The following CACNA2D4 variants were observed in gnomAD, a reference collection of about 807,000 sequenced individuals.
CACNA2D4 encodes voltage-dependent calcium channel subunit alpha-2/delta-4.
In CACNA2D4, 157 loss-of-function variants were observed where a neutral mutation model predicts 163.8. The ratio of observed to expected loss-of-function variants is 0.96; its 90% confidence interval spans 0.84 to 1.09. CACNA2D4 has a LOEUF of 1.09. Among genes scored for constraint, CACNA2D4 ranks in the 50% least tolerant of loss-of-function variants. The pLI is 0.00. For synonymous variants in CACNA2D4, 598 were observed against 586.9 expected, an observed-to-expected ratio of 1.02 and a Z score of -0.27; for missense variants, 1,410 against 1,479.9, an observed-to-expected ratio of 0.95 and a Z score of 0.78.
chr12:1,796,967 TC>T (rs1277384138), intron 35 of CACNA2D4, among the ~76,000 whole-genome samples: 1 of 152,160 alleles, frequency 6.6e-6, no homozygotes, highest in African/African-American at 2.4e-5. Context: ...ATCGCACACT[TC>T]CGGCCTTCTC....
chr12:1,873,441 A>C (rs928185854), intron 18 of CACNA2D4, among the ~76,000 whole-genome samples: 1 of 152,220 alleles, frequency 6.6e-6, no homozygotes, highest in Non-Finnish European at 1.5e-5. Context: ...GCATAAAAGC[A>C]GCACGAGATT....
At chr12:1,800,991 G>A in intron 31 of CACNA2D4, 52 bp downstream of exon 31, 1 of 1,545,042 alleles carries the variant, frequency 6.5e-7, no homozygotes, top group Middle Eastern at 2.2e-4. Flanking sequence ...TCCAGGACAG[G>A]GCAGAGGACT....
At chr12:1,822,912 G>T (rs1864165655) in intron 26 of CACNA2D4, among the ~76,000 whole-genome samples, 1 of 152,198 alleles carries the variant, frequency 6.6e-6, no homozygotes, top group Non-Finnish European at 1.5e-5. Context: ...CACTCTCCGG[G>T]CTCCCTCTCA....
Position 1,878,894 on chromosome 12 carries a change from C to A in CACNA2D4, c.1644+62G>T. ...CTTGCCTGGAGAGAGGCTCCCATCA[C>A]GGGGGAGGGAGTTTGCTCCTGGGGA... On this transcript the variant is annotated intron_variant, in intron 15 of 37. Transcript: ENST00000382722. The surrounding 1 kb of genome is among the most constrained non-coding windows in gnomAD (Gnocchi z 4.6). 2 of 1,483,124 alleles carry A rather than the reference C, an allele frequency of 1.3e-6. No homozygotes were observed. The highest frequency in any genetic ancestry group is 1.2e-5 in the South Asian group (1 of 84,316). The allele number at this position is 1,483,124 out of a possible 1,614,324, so 91.9% of individuals were successfully genotyped here. A position where few individuals can be genotyped will look rare whatever the true frequency, so the allele number is the denominator to read the frequency against.
At chr12:1,830,561 T>C (rs1038237880) in intron 26 of CACNA2D4, among the ~76,000 whole-genome samples, 1 of 152,176 alleles carries the variant, frequency 6.6e-6, no homozygotes, top group African/African-American at 2.4e-5. Flanking sequence ...ACATCCATGG[T>C]GTCAGTGGGA....
At chr12:1,841,777 T>G (rs1865029869) in intron 25 of CACNA2D4, among the ~76,000 whole-genome samples, 1 of 152,238 alleles carries the variant, frequency 6.6e-6, no homozygotes, top group Admixed American at 6.5e-5. Flanking sequence ...GTGTCAATTG[T>G]CCCGGGACTT....
chr12:1,808,818 T>C (rs1048701722), intron 29 of CACNA2D4, among the ~76,000 whole-genome samples: 5 of 152,178 alleles, frequency 3.3e-5, no homozygotes, highest in Non-Finnish European at 5.9e-5. Context: ...TTTCAACTCT[T>C]ATCATCACTG....
chr12:1,846,988 C>T (rs1017485530), intron 23 of CACNA2D4, among the ~76,000 whole-genome samples: 1 of 152,172 alleles, frequency 6.6e-6, no homozygotes, highest in South Asian at 2.1e-4. Flanking sequence ...TTGGGGAGTT[C>T]GATCTAGAAG....
chr12:1,810,502 A>T, intron 28 of CACNA2D4, 41 bp downstream of exon 28: 8 of 1,546,336 alleles, frequency 5.2e-6, no homozygotes, highest in Non-Finnish European at 7.0e-6. Flanking sequence ...GCGGAGGGCC[A>T]TGGCTCCCTC....
intron 26 of CACNA2D4, among the ~76,000 whole-genome samples, chr12:1,816,894 G>A (rs145939760): frequency 1.5e-3 from 233 of 152,196 alleles, no homozygotes; most frequent in Middle Eastern, 6.8e-3. Flanking sequence ...GCATATACAC[G>A]TGCACCATGC....
intron 16 of CACNA2D4, among the ~76,000 whole-genome samples, chr12:1,877,001 T>G (rs1865896595): frequency 6.6e-6 from 1 of 152,256 alleles, no homozygotes; most frequent in Non-Finnish European, 1.5e-5. Context: ...CAAACGTAAC[T>G]ATTGTTTTCC....
chr12:1,891,048 G>A (rs192136536), intron 6 of CACNA2D4, among the ~76,000 whole-genome samples: 161 of 152,298 alleles, frequency 1.1e-3, no homozygotes, highest in African/African-American at 3.6e-3. Context: ...ACTTCTCTGG[G>A]GACTGAAAGC....
In CACNA2D4 at chr12:1,834,172, C is replaced by T; in HGVS notation, c.2551+6567G>A. On this transcript the variant is annotated intron_variant, in intron 26 of 37. Coordinates refer to ENST00000382722, the MANE Select transcript of CACNA2D4 (RefSeq NM_172364.5). The surrounding 1 kb of genome is among the most constrained non-coding windows in gnomAD (Gnocchi z 7.6). ...TGACTACATTGCTGATAAAAACTAC[C>T]TTCTGGGGCTTCCGTTTTGGGGAGC... 1 of 1,408,298 alleles carries T rather than the reference C, an allele frequency of 7.1e-7. No individual in the cohort carries two copies. The highest frequency in any genetic ancestry group is 9.5e-7 in the Non-Finnish European group (1 of 1,056,850). The allele number at this position is 1,408,298 out of a possible 1,614,324, so 87.2% of individuals were successfully genotyped here. A position where few individuals can be genotyped will look rare whatever the true frequency, so the allele number is the denominator to read the frequency against.
chr12:1,819,423 T>G (rs1051423179), intron 26 of CACNA2D4, among the ~76,000 whole-genome samples: 2 of 152,110 alleles, frequency 1.3e-5, no homozygotes, highest in Admixed American at 1.3e-4. Flanking sequence ...AGGGGCATCC[T>G]GAGTCCAGGG....
In CACNA2D4 at chr12:1,856,232, G is replaced by A. The variant is rs185220718; in HGVS notation, c.2009-3C>T. The A allele has an allele frequency of 5.2e-4, 840 of 1,614,040 alleles. 6 individuals are homozygous for A. The African/African-American group carries it at 7.0e-3, about 14-fold the overall frequency. On this transcript the variant is annotated splice_polypyrimidine_tract_variant and splice_region_variant and intron_variant, in intron 20 of 37. Transcript: ENST00000382722. ...TGGGTGAAGCAAGTCATGCAGGCCTGAAACCAGAGTCCACATTCAGGGTGA... is the reference window on the plus strand; with the variant it reads ...TGGGTGAAGCAAGTCATGCAGGCCTAAAACCAGAGTCCACATTCAGGGTGA...
chr12:1,860,307 G>C, intron 18 of CACNA2D4, 101 bp from the exon 19 acceptor site: 1 of 823,256 alleles, frequency 1.2e-6, no homozygotes, highest in Non-Finnish European at 2.0e-6. Context: ...TCACTGTACA[G>C]TCCCTCCGCC....
intron 18 of CACNA2D4, among the ~76,000 whole-genome samples, chr12:1,862,392 T>G (rs1423844875): frequency 1.3e-5 from 2 of 152,236 alleles, no homozygotes; most frequent in African/African-American, 4.8e-5. Context: ...ATTAGTCTTT[T>G]AAATTTTAGC....
At chr12:1,881,770 C>G (rs1205130784) in intron 13 of CACNA2D4, among the ~76,000 whole-genome samples, 1 of 152,280 alleles carries the variant, frequency 6.6e-6, no homozygotes, top group African/African-American at 2.4e-5. Flanking sequence ...CGGTGATGGT[C>G]AGATGACATC....
intron 6 of CACNA2D4, among the ~76,000 whole-genome samples, chr12:1,887,823 C>T (rs918841614): frequency 3.3e-5 from 5 of 152,108 alleles, no homozygotes; most frequent in African/African-American, 1.2e-4. Context: ...GGTGGAATTG[C>T]AATATGTTGT....
Sources: gnomAD v4.1 joint callset for allele counts (sites outside exome capture counted in the v4.1 genomes callset) on GRCh38, gnomAD v4.1.1 for gene constraint, Gnocchi (gnomAD v3.1) non-coding constraint, MANE v1.5 for transcripts, NCBI Gene and HGNC (gene_info 2026-07-23, HGNC 2026-07-21) for gene names.